RIMS4: variants seen among roughly 807,000 people sequenced by gnomAD.
RIMS4 encodes regulating synaptic membrane exocytosis protein 4.
A neutral mutation model predicts 29.0 loss-of-function variants in RIMS4; 9 were observed. That is an observed-to-expected ratio of 0.31 (90% CI 0.19 to 0.54). The LOEUF (loss-of-function observed/expected upper bound fraction) is 0.54, where lower values mean the gene tolerates loss of function less well. RIMS4 is among the 20% of genes least tolerant of loss of function. RIMS4 has a pLI of 0.94. For missense variants in RIMS4, 193 were observed against 365.7 expected (o/e 0.53, Z 3.85); for synonymous variants, 130 against 152.9 (o/e 0.85, Z 1.10).
At chr20:44,758,839 G>C (rs2066072110) in intron 2 of RIMS4, among the ~76,000 whole-genome samples, 1 of 152,210 alleles carries the variant, frequency 6.6e-6, no homozygotes, top group South Asian at 2.1e-4. Context: ...CTGAGATGCA[G>C]GACTGGAGCT....
chr20:44,801,946 C>G (rs1363752035), intron 1 of RIMS4, among the ~76,000 whole-genome samples: 1 of 152,178 alleles, frequency 6.6e-6, no homozygotes, highest in Non-Finnish European at 1.5e-5. Context: ...CAGTGGTTCT[C>G]AAGGTAGGGT....
chr20:44,795,891 G>A (rs1297197611), intron 1 of RIMS4, among the ~76,000 whole-genome samples: 1 of 152,156 alleles, frequency 6.6e-6, no homozygotes, highest in East Asian at 1.9e-4. Flanking sequence ...GCCCATTGTA[G>A]AAAATCTGGA....
chr20:44,770,826 T>C (rs2066133934), intron 2 of RIMS4, among the ~76,000 whole-genome samples: 1 of 152,188 alleles, frequency 6.6e-6, no homozygotes, highest in South Asian at 2.1e-4. Flanking sequence ...ATAATGATGA[T>C]AATAAAACCC....
intron 1 of RIMS4, among the ~76,000 whole-genome samples, chr20:44,806,152 T>C (rs1178681973): frequency 6.6e-6 from 1 of 151,476 alleles, no homozygotes; most frequent in African/African-American, 2.4e-5. Flanking sequence ...GAAGCTTCCA[T>C]CCTATGGGCA....
At chr20:44,783,857 A>G (rs987180783) in intron 1 of RIMS4, among the ~76,000 whole-genome samples, 2 of 152,180 alleles carry the variant, frequency 1.3e-5, no homozygotes, top group African/African-American at 4.8e-5. Context: ...GCTCACGGGT[A>G]TAGGGTTGAC....
At chr20:44,782,845 A>G (rs2066190699) in intron 1 of RIMS4, among the ~76,000 whole-genome samples, 1 of 152,224 alleles carries the variant, frequency 6.6e-6, no homozygotes, top group African/African-American at 2.4e-5. Flanking sequence ...CTCTCCACAA[A>G]CACTGGAAAG....
At position 44,756,367 on chromosome 20, in the gene RIMS4, A is replaced by G. The variant is rs908637008; in HGVS notation, c.592-15T>C. 6.2e-7 allele frequency: 1 copy of G among 1,608,912 alleles called. No homozygotes were observed. Among genetic ancestry groups the G allele is most frequent in the Admixed American group, 1.7e-5 (1 of 59,712 alleles). ...CACACGATCACCTGTGGGGCAAGAG[A>G]CACAGTGGTTCAAATCCTGCCAGTG... is the stretch of plus-strand genomic sequence containing the variant. On this transcript the variant is annotated splice_polypyrimidine_tract_variant and intron_variant, in intron 5 of 5. Transcript: ENST00000372851. This position sits in a 1 kb window ranked among gnomAD's most constrained non-coding sequence, Gnocchi z 5.9.
chr20:44,796,534 T>G (rs2066255984), intron 1 of RIMS4, among the ~76,000 whole-genome samples: 1 of 152,106 alleles, frequency 6.6e-6, no homozygotes, highest in African/African-American at 2.4e-5. Context: ...GTCCCTGCCC[T>G]GCAGGGGCTC....
Position 44,810,469 on chromosome 20 carries a change from G to A in RIMS4, c.-198C>T, listed in dbSNP as rs1291898055. The A allele has an allele frequency of 5.5e-5, 8 of 145,018 alleles. No homozygotes were observed. In the South Asian group the frequency reaches 1.3e-3, roughly 24 times the overall value. The allele number at this position is 145,018 out of a possible 1,614,324, so 9.0% of individuals were successfully genotyped here. ...GCGGGCCAGGAGCTGGCGGCGCGCG[G>A]AGCCCGAGGCGCGCTGTGCTGCTGG... On this transcript the variant is annotated 5_prime_UTR_variant, in exon 1 of 6. Coordinates refer to ENST00000372851, the MANE Select transcript of RIMS4 (RefSeq NM_182970.4).
chr20:44,780,724 G>A (rs573455042), intron 1 of RIMS4, among the ~76,000 whole-genome samples: 5 of 152,268 alleles, frequency 3.3e-5, no homozygotes, highest in Admixed American at 6.5e-5. Context: ...CTGGTTCAAC[G>A]CAGGCCAGAG....
chr20:44,800,464 C>G (rs555470430), intron 1 of RIMS4, among the ~76,000 whole-genome samples: 4 of 152,066 alleles, frequency 2.6e-5, no homozygotes, highest in African/African-American at 9.6e-5. Flanking sequence ...AGGACACTTC[C>G]CCCGGATATT....
chr20:44,762,198 G>GC (rs1181398573), intron 2 of RIMS4, among the ~76,000 whole-genome samples: 2 of 152,222 alleles, frequency 1.3e-5, no homozygotes, highest in Non-Finnish European at 2.9e-5. Context: ...CTGACAGGAG[G>GC]CAGAGCTCAG....
chr20:44,765,781 T>A (rs775478180), intron 2 of RIMS4, among the ~76,000 whole-genome samples: 1 of 152,132 alleles, frequency 6.6e-6, no homozygotes, highest in Non-Finnish European at 1.5e-5. Context: ...GAGACCTGGA[T>A]GCCGATGACC....
intron 3 of RIMS4, 65 bp from the exon 4 acceptor site, chr20:44,757,836 T>G: frequency 1.4e-6 from 2 of 1,426,458 alleles, no homozygotes; most frequent in Non-Finnish European, 2.0e-6. Flanking sequence ...GACTCAGCTC[T>G]TCTCCTTTAC....
intron 1 of RIMS4, among the ~76,000 whole-genome samples, chr20:44,799,451 G>A (rs926179952): frequency 1.3e-5 from 2 of 152,188 alleles, no homozygotes; most frequent in Admixed American, 6.5e-5. Context: ...CAGATGGCTC[G>A]GGGGTGGCTC....
intron 1 of RIMS4, among the ~76,000 whole-genome samples, chr20:44,782,749 C>T (rs1001241531): frequency 2.0e-5 from 3 of 152,104 alleles, no homozygotes; most frequent in Non-Finnish European, 4.4e-5. Flanking sequence ...TATTTCAAAA[C>T]TTTTAAAAGA....
At chr20:44,804,357 C>A (rs917268709) in intron 1 of RIMS4, among the ~76,000 whole-genome samples, 1 of 152,114 alleles carries the variant, frequency 6.6e-6, no homozygotes. Flanking sequence ...AGAGCCAGAG[C>A]GGATTCAAAT....
At chr20:44,801,302 G>A (rs1489778487) in intron 1 of RIMS4, among the ~76,000 whole-genome samples, 2 of 152,160 alleles carry the variant, frequency 1.3e-5, no homozygotes, top group East Asian at 1.9e-4. Context: ...ATGGGGCTGG[G>A]TGAGAATCTC....
intron 1 of RIMS4, among the ~76,000 whole-genome samples, chr20:44,783,450 CTG>C (rs907304240): frequency 6.6e-6 from 1 of 152,108 alleles, no homozygotes; most frequent in Admixed American, 6.5e-5. Context: ...TGGTGAAACA[CTG>C]TCTCTACTAA....
Sources: allele counts gnomAD v4.1 joint callset (sites outside exome capture counted in the v4.1 genomes callset), GRCh38; gene constraint gnomAD v4.1.1; non-coding constraint Gnocchi (gnomAD v3.1); transcripts MANE v1.5; gene names NCBI Gene and HGNC (gene_info 2026-07-23, HGNC 2026-07-21).